DOCK11: variants seen among roughly 807,000 people sequenced by gnomAD.
DOCK11 encodes dedicator of cytokinesis protein 11.
DOCK11 carries 70 observed loss-of-function variants against 169.1 expected under a neutral mutation model. The ratio of observed to expected loss-of-function variants is 0.41; its 90% CI spans 0.34 to 0.51. DOCK11 has a LOEUF of 0.51. DOCK11 is among the 20% of genes least tolerant of loss of function. The probability of loss-of-function intolerance (pLI) is 0.10; values close to 1 mark genes in which losing one functional copy is unlikely to be tolerated. For missense variants in DOCK11, 1,166 were observed against 1,538.8 expected, an observed-to-expected ratio of 0.76 and a Z score of 4.05; for synonymous variants, 529 against 541.3, an observed-to-expected ratio of 0.98 and a Z score of 0.32.
At chrX:118,616,016 A>G (rs1230506441) in intron 30 of DOCK11, among the ~76,000 whole-genome samples, 1 of 111,750 alleles carries the variant, frequency 8.9e-6, no homozygotes, top group Non-Finnish European at 1.9e-5. Context: ...AAGACATATA[A>G]ATGCATTTCT....
At chrX:118,638,055 A>G (rs1429139439) in intron 36 of DOCK11, 25 bp from the exon 37 acceptor site, 5 of 1,157,620 alleles carry the variant, frequency 4.3e-6, no homozygotes, top group East Asian at 3.0e-5. Flanking sequence ...ATATATTACT[A>G]ACATGCTATT....
chrX:118,656,368 C>CACTTATATTTTAAATTAACAGAAAGTCAG (rs2016070502), intron 44 of DOCK11, among the ~76,000 whole-genome samples: 1 of 111,619 alleles, frequency 9.0e-6, no homozygotes, highest in Non-Finnish European at 1.9e-5. Context: ...TTTAAATTAA[C>CACTTATATTTTAAATTAACAGAAAGTCAG]ACTTTCTGTC....
rs1165799344 is a variant in DOCK11 at position 118,556,268 on chromosome X, C to T, written c.559-5115C>T. Among the ~76,000 whole-genome samples, 8 of 106,184 alleles carry T rather than the reference C, an allele frequency of 7.5e-5. No individual in the cohort carries two copies. The East Asian group carries it at 2.5e-3, about 33-fold the overall frequency. 92.2% of individuals were successfully genotyped at this position (106,184 alleles called of 115,157 possible). On this transcript the variant is annotated intron_variant, in intron 6 of 52. Transcript: ENST00000276202. Reference sequence around the variant, plus strand: ...CCATGTTGGCCAGGCTGGTCTCGAACTCCTGACCTCAGGTGATCCACCCGC... The same window carrying T: ...CCATGTTGGCCAGGCTGGTCTCGAATTCCTGACCTCAGGTGATCCACCCGC...
At chrX:118,633,841 T>C (rs1478119593) in intron 35 of DOCK11, 1 of 112,888 alleles carries the variant, frequency 8.9e-6, no homozygotes, top group African/African-American at 3.2e-5. Context: ...AAGTCTGAAA[T>C]TGTTGTTGCC....
intron 16 of DOCK11, among the ~76,000 whole-genome samples, chrX:118,587,163 CTT>C (rs928926123): frequency 2.7e-4 from 30 of 112,047 alleles, no homozygotes; most frequent in African/African-American, 9.7e-4. Flanking sequence ...TACCATGAAA[CTT>C]TATTGCAGCC....
intron 16 of DOCK11, among the ~76,000 whole-genome samples, chrX:118,585,868 G>A (rs968723862): frequency 4.5e-5 from 5 of 112,049 alleles, no homozygotes; most frequent in Non-Finnish European, 9.4e-5. Context: ...ATTTGCAAGA[G>A]ATAAAATGAA....
At chrX:118,534,375 T>A (rs1190486674) in intron 1 of DOCK11, among the ~76,000 whole-genome samples, 2 of 112,423 alleles carry the variant, frequency 1.8e-5, no homozygotes, top group African/African-American at 3.2e-5. Flanking sequence ...ATATAGTGCA[T>A]AGTCTTGTTT....
chrX:118,637,389 G>A (rs1170175659), intron 36 of DOCK11, among the ~76,000 whole-genome samples: 1 of 111,581 alleles, frequency 9.0e-6, no homozygotes, highest in Non-Finnish European at 1.9e-5. Flanking sequence ...ATAATATAAA[G>A]TATTTTAATG....
chrX:118,576,115 T>C (rs1293367382), intron 12 of DOCK11, among the ~76,000 whole-genome samples: 2 of 112,181 alleles, frequency 1.8e-5, no homozygotes, highest in Non-Finnish European at 3.8e-5. Flanking sequence ...TAGGTCTGTT[T>C]GAAATAATTT....
intron 45 of DOCK11, among the ~76,000 whole-genome samples, chrX:118,670,532 CTA>C (rs199543785): frequency 0.012 from 1,300 of 111,071 alleles, 9 homozygotes; most frequent in Non-Finnish European, 0.019. Flanking sequence ...AAAATAAAAA[CTA>C]AAAAAATTTA....
intron 45 of DOCK11, among the ~76,000 whole-genome samples, chrX:118,669,639 G>T (rs1438665762): frequency 8.9e-6 from 1 of 111,982 alleles, no homozygotes; most frequent in Non-Finnish European, 1.9e-5. Flanking sequence ...TCCCCTTGGG[G>T]GTTAGGATTT....
intron 20 of DOCK11, among the ~76,000 whole-genome samples, chrX:118,595,672 G>T (rs967986838): frequency 1.8e-5 from 2 of 112,123 alleles, no homozygotes; most frequent in Non-Finnish European, 3.8e-5. Flanking sequence ...AGCGGAGCAT[G>T]AAACAGTTAT....
chrX:118,640,651 G>T (rs1329846926), intron 38 of DOCK11, among the ~76,000 whole-genome samples: 4 of 112,357 alleles, frequency 3.6e-5, no homozygotes, highest in Non-Finnish European at 7.5e-5. Flanking sequence ...CATCGCCAGA[G>T]TTCATCACTG....
intron 14 of DOCK11, among the ~76,000 whole-genome samples, chrX:118,582,978 A>T: frequency 8.9e-6 from 1 of 112,352 alleles, no homozygotes; most frequent in Admixed American, 9.4e-5. Context: ...ACACATGCAC[A>T]TGTATGTTTA....
intron 1 of DOCK11, among the ~76,000 whole-genome samples, chrX:118,537,493 CTTACAGATAAATA>C (rs1394878941): frequency 8.9e-6 from 1 of 111,952 alleles, no homozygotes; most frequent in Non-Finnish European, 1.9e-5. Context: ...TTTTGCATTG[CTTACAGATAAATA>C]TTATGTGATT....
chrX:118,544,022 A>G (rs1417465211), intron 4 of DOCK11, among the ~76,000 whole-genome samples: 1 of 112,447 alleles, frequency 8.9e-6, no homozygotes. Flanking sequence ...AGGAACCTGC[A>G]TGTTTGGTTA....
intron 23 of DOCK11, among the ~76,000 whole-genome samples, chrX:118,601,200 G>T: frequency 9.0e-6 from 1 of 111,145 alleles, no homozygotes. Flanking sequence ...CAGGCAGGCA[G>T]ATTGCTTGAG....
intron 2 of DOCK11, 32 bp from the exon 3 acceptor site, chrX:118,542,894 T>G (rs1252003699): frequency 1.1e-5 from 13 of 1,203,333 alleles, no homozygotes; most frequent in Admixed American, 2.2e-5. Flanking sequence ...TTCAAGCCAG[T>G]TCTTACAGCA....
At chrX:118,549,106 C>CTGTGTGTGTGTGTGTGTATGTGTGTGTG (rs1556273225) in intron 6 of DOCK11, among the ~76,000 whole-genome samples, 53 of 99,116 alleles carry the variant, frequency 5.3e-4, no homozygotes, top group African/African-American at 2.0e-3. Flanking sequence ...TGCTCATATT[C>CTGTGTGTGTGTGTGTGTATGTGTGTGTG]TGTGTGTGTG....
Sources: gnomAD v4.1 joint callset for allele counts (sites outside exome capture counted in the v4.1 genomes callset) on GRCh38, gnomAD v4.1.1 for gene constraint, MANE v1.5 for transcripts, NCBI Gene and HGNC (gene_info 2026-07-23, HGNC 2026-07-21) for gene names.